TAFA2: variants seen among roughly 807,000 people sequenced by gnomAD.
TAFA2 encodes the protein TAFA chemokine like family member 2.
Under a neutral mutation model 18.8 loss-of-function variants are expected in TAFA2, and 7 were observed. The observed-to-expected ratio is 0.37, with a 90% CI of 0.21 to 0.70. TAFA2 has a LOEUF of 0.70. Among genes scored for constraint, TAFA2 ranks in the 30% least tolerant of loss-of-function variants. The pLI is 0.53. For missense variants in TAFA2, 122 were observed against 158.1 expected, an observed-to-expected ratio of 0.77 and a Z score of 1.23; for synonymous variants, 60 against 54.2, an observed-to-expected ratio of 1.11 and a Z score of -0.47.
chr12:62,100,705 T>A (rs1278786825), intron 1 of TAFA2, among the ~76,000 whole-genome samples: 1 of 152,220 alleles, frequency 6.6e-6, no homozygotes, highest in African/African-American at 2.4e-5. Flanking sequence ...GCACTCTGCA[T>A]GCAGTGACTC....
intron 1 of TAFA2, among the ~76,000 whole-genome samples, chr12:62,189,067 T>C (rs1403748108): frequency 1.3e-5 from 2 of 152,208 alleles, no homozygotes; most frequent in African/African-American, 4.8e-5. Flanking sequence ...GCATTTGCTT[T>C]AATGTCAAAA....
intron 2 of TAFA2, among the ~76,000 whole-genome samples, chr12:61,825,416 G>T (rs2061207): frequency 0.31 from 46,933 of 151,934 alleles, 7,502 homozygotes; most frequent in South Asian, 0.4. Context: ...TTGGTTTGTG[G>T]GGAGAAAATA....
intron 2 of TAFA2, among the ~76,000 whole-genome samples, chr12:61,853,686 A>G (rs1873770682): frequency 6.6e-6 from 1 of 152,102 alleles, no homozygotes; most frequent in Non-Finnish European, 1.5e-5. Flanking sequence ...ATCATTCCAC[A>G]TCAGTGTGTG....
At chr12:61,803,366 C>T (rs535432518) in intron 2 of TAFA2, among the ~76,000 whole-genome samples, 1 of 151,814 alleles carries the variant, frequency 6.6e-6, no homozygotes, top group Non-Finnish European at 1.5e-5. Context: ...ATAAAATTAA[C>T]TCTCTAGTTA....
intron 2 of TAFA2, among the ~76,000 whole-genome samples, chr12:61,794,892 A>T (rs1349960172): frequency 6.6e-6 from 1 of 152,142 alleles, no homozygotes; most frequent in Non-Finnish European, 1.5e-5. Flanking sequence ...AGAAAAAAAC[A>T]AACAACCCCA....
At position 61,732,421 on chromosome 12, in the gene TAFA2, G is replaced by A. The variant is rs181540252; in HGVS notation, c.384+21201C>T. On this transcript the variant is annotated intron_variant, in intron 4 of 4. Transcript: ENST00000416284. ...CGTTATTTACTAAGGCTAAACCGTA[G>A]GCAAAAGCAGACATGGTCCTTGCTG... Among the ~76,000 whole-genome samples, 8 of 152,130 alleles carry A rather than the reference G, an allele frequency of 5.3e-5. No individual in the cohort carries two copies. The East Asian group carries it at 1.6e-3, about 30-fold the overall frequency.
chr12:61,914,863 A>G (rs1402703667), intron 1 of TAFA2, among the ~76,000 whole-genome samples: 1 of 152,176 alleles, frequency 6.6e-6, no homozygotes, highest in Non-Finnish European at 1.5e-5. Flanking sequence ...TATATGTAGT[A>G]GAAGAGAATG....
At chr12:62,165,125 C>G (rs1206317297) in intron 1 of TAFA2, among the ~76,000 whole-genome samples, 5 of 152,094 alleles carry the variant, frequency 3.3e-5, no homozygotes, top group Admixed American at 1.3e-4. Context: ...CTTCACATAT[C>G]TTCAGATAGC....
At chr12:62,016,708 T>C (rs1179807387) in intron 1 of TAFA2, among the ~76,000 whole-genome samples, 3 of 152,264 alleles carry the variant, frequency 2.0e-5, no homozygotes, top group Middle Eastern at 3.4e-3. Context: ...CAATCATTCA[T>C]ACCGATAGCA....
chr12:62,076,454 C>T (rs1296086941), intron 1 of TAFA2, among the ~76,000 whole-genome samples: 2 of 152,138 alleles, frequency 1.3e-5, no homozygotes, highest in African/African-American at 4.8e-5. Context: ...CAAAGTGTCA[C>T]TGTGAGATAA....
At chr12:61,800,662 GA>G (rs953559577) in intron 2 of TAFA2, among the ~76,000 whole-genome samples, 32 of 152,102 alleles carry the variant, frequency 2.1e-4, no homozygotes, top group African/African-American at 7.5e-4. Context: ...CAAAAAGAAG[GA>G]ATGTTTAGAT....
chr12:61,836,416 G>C (rs1230709093), intron 2 of TAFA2, among the ~76,000 whole-genome samples: 1 of 151,724 alleles, frequency 6.6e-6, no homozygotes, highest in Non-Finnish European at 1.5e-5. Context: ...AAATTTAGAG[G>C]ATACATTATA....
At chr12:62,099,947 A>C (rs1407049755) in intron 1 of TAFA2, among the ~76,000 whole-genome samples, 1 of 152,206 alleles carries the variant, frequency 6.6e-6, no homozygotes, top group East Asian at 1.9e-4. Flanking sequence ...ATAAAATGAG[A>C]ACAAATTATA....
intron 1 of TAFA2, among the ~76,000 whole-genome samples, chr12:61,911,756 G>A (rs1876622966): frequency 6.6e-6 from 1 of 152,152 alleles, no homozygotes; most frequent in African/African-American, 2.4e-5. Context: ...ATTGATTACA[G>A]GGAATCTGAA....
chr12:61,922,587 G>A (rs349888), intron 1 of TAFA2, among the ~76,000 whole-genome samples: 6,161 of 152,290 alleles, frequency 0.04, 222 homozygotes, highest in African/African-American at 0.1. Context: ...CTTTTCCCAT[G>A]GTCTTTGCAA....
intron 2 of TAFA2, among the ~76,000 whole-genome samples, chr12:61,818,644 T>TC (rs1017500980): frequency 3.3e-5 from 5 of 152,112 alleles, no homozygotes; most frequent in Non-Finnish European, 7.4e-5. Context: ...GCAGCATCAC[T>TC]CTTCCTTACT....
chr12:62,130,160 C>T (rs1870624334), intron 1 of TAFA2, among the ~76,000 whole-genome samples: 1 of 151,930 alleles, frequency 6.6e-6, no homozygotes, highest in Non-Finnish European at 1.5e-5. Flanking sequence ...TTGCTTTCAT[C>T]TTCCCAAGTG....
intron 4 of TAFA2, among the ~76,000 whole-genome samples, chr12:61,751,864 T>G (rs1285692039): frequency 1.4e-5 from 2 of 146,454 alleles, no homozygotes; most frequent in East Asian, 4.0e-4. Flanking sequence ...CACTTCCAAA[T>G]TTTTTTTTTT....
chr12:62,056,414 A>G (rs1882189483), intron 1 of TAFA2, among the ~76,000 whole-genome samples: 1 of 152,254 alleles, frequency 6.6e-6, no homozygotes, highest in African/African-American at 2.4e-5. Flanking sequence ...TACAACCACC[A>G]GTGTGGCATA....
Sources: gnomAD v4.1 joint callset for allele counts (sites outside exome capture counted in the v4.1 genomes callset) on GRCh38, gnomAD v4.1.1 for gene constraint, MANE v1.5 for transcripts, NCBI Gene and HGNC (gene_info 2026-07-23, HGNC 2026-07-21) for gene names.